The following RDX variants were observed in gnomAD, a reference collection of about 807,000 sequenced individuals.
RDX encodes deafness, autosomal recessive 24.
Under a neutral mutation model 83.7 loss-of-function variants are expected in RDX, and 32 were observed. The observed-to-expected ratio is 0.38, with a 90% CI of 0.29 to 0.51. The LOEUF (loss-of-function observed/expected upper bound fraction) is 0.51. Among genes scored for constraint, RDX ranks in the 20% least tolerant of loss-of-function variants. The pLI is 0.87. For synonymous variants in RDX, 229 were observed against 222.7 expected (o/e 1.03, Z -0.25); for missense variants, 600 against 689.9 (o/e 0.87, Z 1.46).
intron 10 of RDX, among the ~76,000 whole-genome samples, chr11:110,239,292 T>A (rs1242972749): frequency 6.6e-6 from 1 of 150,470 alleles, no homozygotes; most frequent in African/African-American, 2.4e-5. Context: ...TAGGCAAAGA[T>A]TTTTTGTGTA....
At chr11:110,204,506 T>C (rs565559451) in intron 14 of RDX, among the ~76,000 whole-genome samples, 2 of 143,616 alleles carry the variant, frequency 1.4e-5, no homozygotes, top group Non-Finnish European at 3.0e-5. Context: ...CTTTCTTTTT[T>C]TTTTTTCCTT....
At chr11:110,188,533 T>A (rs537681346) in intron 15 of RDX, among the ~76,000 whole-genome samples, 2 of 152,064 alleles carry the variant, frequency 1.3e-5, no homozygotes, top group East Asian at 3.9e-4. Context: ...GGGTGAGGGA[T>A]AAAAGACTAC....
intron 5 of RDX, 126 bp downstream of exon 5, chr11:110,263,834 C>G: frequency 1.2e-6 from 1 of 824,300 alleles, no homozygotes; most frequent in Non-Finnish European, 1.9e-6. Context: ...CGCCACTGCA[C>G]TCCAGCATGG....
intron 14 of RDX, among the ~76,000 whole-genome samples, chr11:110,216,326 G>C (rs1003921814): frequency 2.0e-5 from 3 of 151,720 alleles, no homozygotes; most frequent in Non-Finnish European, 2.9e-5. Flanking sequence ...TGTCCAGTGG[G>C]CTACTTCTGG....
At chr11:110,270,390 G>A (rs1860255048) in intron 3 of RDX, among the ~76,000 whole-genome samples, 1 of 152,084 alleles carries the variant, frequency 6.6e-6, no homozygotes, top group South Asian at 2.1e-4. Flanking sequence ...CATAGAAAAG[G>A]TATAGTAAAA....
At chr11:110,195,510 T>C (rs1483536443) in intron 15 of RDX, 2 of 152,190 alleles carry the variant, frequency 1.3e-5, no homozygotes, top group Non-Finnish European at 2.9e-5. Flanking sequence ...GCAAGCAATA[T>C]TCACCGCCTA....
At chr11:110,243,761 A>G (rs550575957) in intron 10 of RDX, among the ~76,000 whole-genome samples, 11 of 152,314 alleles carry the variant, frequency 7.2e-5, no homozygotes, top group African/African-American at 2.6e-4. Flanking sequence ...CAAAAAGCAC[A>G]TAGAAAGACA....
At chr11:110,266,637 G>A (rs1333036866) in intron 3 of RDX, among the ~76,000 whole-genome samples, 2 of 151,680 alleles carry the variant, frequency 1.3e-5, no homozygotes, top group East Asian at 1.9e-4. Context: ...TGTGATTCAC[G>A]GCTCACTGGA....
At chr11:110,211,979 A>C (rs1447926099) in intron 14 of RDX, among the ~76,000 whole-genome samples, 1 of 142,634 alleles carries the variant, frequency 7.0e-6, no homozygotes, top group Non-Finnish European at 1.5e-5. Context: ...AGAAATAACT[A>C]AAATCAGAGC....
chr11:110,194,582 C>T (rs1233606534), intron 15 of RDX, among the ~76,000 whole-genome samples: 1 of 152,194 alleles, frequency 6.6e-6, no homozygotes, highest in Non-Finnish European at 1.5e-5. Flanking sequence ...TTTATGCCAA[C>T]TTCCACTTAT....
intron 14 of RDX, among the ~76,000 whole-genome samples, chr11:110,206,448 C>A (rs988310757): frequency 6.6e-6 from 1 of 151,192 alleles, no homozygotes; most frequent in Non-Finnish European, 1.5e-5. Context: ...AAAAAAAAAA[C>A]TAGTTGTATA....
chr11:110,202,596 T>TC (rs1331865980), intron 14 of RDX, among the ~76,000 whole-genome samples: 2 of 123,496 alleles, frequency 1.6e-5, no homozygotes, highest in Non-Finnish European at 3.3e-5. Flanking sequence ...TTTTTCTTTC[T>TC]TTTTTTTTTT....
At chr11:110,257,741 G>A (rs746730368) in intron 7 of RDX, 26 bp downstream of exon 7, 3 of 1,609,986 alleles carry the variant, frequency 1.9e-6, no homozygotes, top group Middle Eastern at 2.3e-4. Flanking sequence ...ACAATGACTA[G>A]TTCACTATGC....
intron 14 of RDX, among the ~76,000 whole-genome samples, chr11:110,220,801 G>C (rs1230179685): frequency 6.7e-6 from 1 of 149,448 alleles, no homozygotes; most frequent in Non-Finnish European, 1.5e-5. Context: ...CCTGGCCCCA[G>C]AGATTCTCTT....
At chr11:110,190,341 G>A (rs1311705529) in intron 15 of RDX, among the ~76,000 whole-genome samples, 1 of 152,190 alleles carries the variant, frequency 6.6e-6, no homozygotes, top group East Asian at 1.9e-4. Context: ...TCGGGAGGCT[G>A]AGGCAGAATT....
intron 9 of RDX, among the ~76,000 whole-genome samples, chr11:110,248,834 C>T (rs1031491425): frequency 6.6e-6 from 1 of 152,170 alleles, no homozygotes; most frequent in African/African-American, 2.4e-5. Context: ...ATGAATTAAT[C>T]CAAGTTTAAT....
chr11:110,281,938 C>CAA (rs750336725), intron 1 of RDX, among the ~76,000 whole-genome samples: 19 of 91,212 alleles, frequency 2.1e-4, no homozygotes, highest in African/African-American at 3.6e-4. Context: ...CCATCTCTAT[C>CAA]AAAAAAAAAA....
rs1864604846 is a variant in RDX at position 110,230,805 on chromosome 11, T to C, written c.*1064A>G. On this transcript the variant is annotated 3_prime_UTR_variant, in exon 14 of 14. Transcript: ENST00000645495. ...AAATTTCGAAAGTATTTCTTGATGA[T>C]CGAGGCTATGGTTATGAATTATAAA... 4.6e-5 allele frequency: 7 copies of C among 152,640 alleles called. No individual in the cohort carries two copies. Among genetic ancestry groups the C allele is most frequent in the Admixed American group, 4.6e-4 (7 of 15,274 alleles). The allele number at this position is 152,640 out of a possible 1,614,324, so 9.5% of individuals were successfully genotyped here. A position where few individuals can be genotyped will look rare whatever the true frequency, so the allele number is the denominator to read the frequency against.
intron 15 of RDX, among the ~76,000 whole-genome samples, chr11:110,189,974 T>C (rs1251679927): frequency 6.6e-6 from 1 of 152,006 alleles, no homozygotes; most frequent in Non-Finnish European, 1.5e-5. Flanking sequence ...TCCCAGCTAC[T>C]TGGGAGGCTG....
Sources: allele counts gnomAD v4.1 joint callset (sites outside exome capture counted in the v4.1 genomes callset), GRCh38; gene constraint gnomAD v4.1.1; transcripts MANE v1.5; gene names NCBI Gene and HGNC (gene_info 2026-07-23, HGNC 2026-07-21).